Variants in CELSR1 observed in about 807,000 individuals in gnomAD.
CELSR1 encodes cadherin EGF LAG seven-pass G-type receptor 1.
A neutral mutation model predicts 249.1 loss-of-function variants in CELSR1; 110 were observed. The observed-to-expected ratio is 0.44, with a 90% CI of 0.38 to 0.52. The LOEUF is 0.52. Ranked by LOEUF, CELSR1 falls within the 20% of genes least tolerant of loss-of-function variation. The pLI, the probability that CELSR1 is intolerant of heterozygous loss-of-function variation, is 0.00. For missense variants in CELSR1, 4,109 were observed against 4,296.4 expected, an observed-to-expected ratio of 0.96 and a Z score of 1.22; for synonymous variants, 2,113 against 1,900.0, an observed-to-expected ratio of 1.11 and a Z score of -2.92.
intron 1 of CELSR1, among the ~76,000 whole-genome samples, chr22:46,492,082 C>T (rs1237274399): frequency 6.6e-6 from 1 of 152,222 alleles, no homozygotes; most frequent in Admixed American, 6.5e-5. Context: ...CACGAGAAGG[C>T]AACGGTCAGG....
At chr22:46,389,992 C>G (rs2079071944) in intron 17 of CELSR1, among the ~76,000 whole-genome samples, 1 of 152,108 alleles carries the variant, frequency 6.6e-6, no homozygotes, top group Admixed American at 6.5e-5. Flanking sequence ...AAAATGAGCA[C>G]TGCTGACAGC....
At chr22:46,418,769 C>T (rs2079432101) in intron 5 of CELSR1, among the ~76,000 whole-genome samples, 1 of 152,210 alleles carries the variant, frequency 6.6e-6, no homozygotes, top group Non-Finnish European at 1.5e-5. Context: ...AAGGTCAGAA[C>T]CAACCGGTCA....
At position 46,536,247 on chromosome 22, in the gene CELSR1, G is replaced by C; in HGVS notation, c.924C>G (p.Asp308Glu). The change falls in exon 1 of 35, where the codon GAC becomes GAG. Residue 308 changes from aspartate (D) to glutamate (E), a missense_variant. Asp to Glu is a conservative substitution (Grantham distance 45, BLOSUM62 2). Around this residue, in one of 7 missense-constraint regions of CELSR1, gnomAD observed 673 missense variants for 636.8 expected, o/e 1.06. Transcript: ENST00000674500. ...IDSATGAVSTDSVLDRETKET... is the reference protein window; with the variant it reads ...IDSATGAVSTESVLDRETKET... ...CCTTGGTCTCGCGGTCCAGTACGCT[G>C]TCCGTGCTCACGGCGCCCGTGGCAG... is the stretch of plus-strand genomic sequence containing the variant. 1 of 1,612,326 alleles carries C rather than the reference G, an allele frequency of 6.2e-7. No individual in the cohort carries two copies. The highest frequency in any genetic ancestry group is 8.5e-7 in the Non-Finnish European group (1 of 1,179,818).
Position 46,446,620 on chromosome 22 carries a change from GA to G in CELSR1, c.4184-7210del, listed in dbSNP as rs1444228399. ...AGGGTCGCAGGGGGTCGGTGGGGGG[GA>G]AAGCTGGGTCCATAGCAGGTACTGA... On this transcript the variant is annotated intron_variant, in intron 2 of 34. Transcript: ENST00000674500. This position sits in a 1 kb window ranked among gnomAD's most constrained non-coding sequence, Gnocchi z 5.5. Among the ~76,000 whole-genome samples the G allele has an allele frequency of 4.6e-5, 7 of 151,846 alleles. No homozygotes were observed. Among genetic ancestry groups the G allele is most frequent in the Non-Finnish European group, 7.4e-5 (5 of 67,994 alleles).
At chr22:46,386,285 T>G (rs1036047377) in intron 19 of CELSR1, 117 bp downstream of exon 19, 3 of 1,197,358 alleles carry the variant, frequency 2.5e-6, no homozygotes, top group Non-Finnish European at 3.4e-6. Context: ...ATCATTTTTC[T>G]AAGAGCATGG....
rs78023590 is a variant in CELSR1 at position 46,383,197 on chromosome 22, A to G, written c.6884-1147T>C. Among the ~76,000 whole-genome samples the G allele has an allele frequency of 6.6e-5, 10 of 152,068 alleles. No individual in the cohort carries two copies. The East Asian group carries it at 1.2e-3, about 18-fold the overall frequency. On this transcript the variant is annotated intron_variant, in intron 20 of 34. Coordinates refer to ENST00000674500, the MANE Select transcript of CELSR1 (RefSeq NM_001378328.1). Reference sequence around the variant, plus strand: ...CCTCGTCCTCTTAGTTTCAAGCATGACCCCACATCAGAGTCACCCCTCTTT... The same window carrying G: ...CCTCGTCCTCTTAGTTTCAAGCATGGCCCCACATCAGAGTCACCCCTCTTT...
intron 1 of CELSR1, among the ~76,000 whole-genome samples, chr22:46,503,110 G>C (rs2080482358): frequency 6.6e-6 from 1 of 152,168 alleles, no homozygotes; most frequent in Non-Finnish European, 1.5e-5. Context: ...GATGAGGTAA[G>C]TGGCCTCGGA....
Position 46,446,623 on chromosome 22 carries a change from A to G in CELSR1, c.4184-7212T>C, listed in dbSNP as rs2079824444. Among the ~76,000 whole-genome samples the G allele has an allele frequency of 6.6e-6, 1 of 152,056 alleles. No individual in the cohort carries two copies. Among genetic ancestry groups the G allele is most frequent in the African/African-American group, 2.4e-5 (1 of 41,388 alleles). ...GTCGCAGGGGGTCGGTGGGGGGGAAAGCTGGGTCCATAGCAGGTACTGACA... is the reference window on the plus strand; with the variant it reads ...GTCGCAGGGGGTCGGTGGGGGGGAAGGCTGGGTCCATAGCAGGTACTGACA... On this transcript the variant is annotated intron_variant, in intron 2 of 34. Coordinates refer to ENST00000674500, the MANE Select transcript of CELSR1 (RefSeq NM_001378328.1). The surrounding 1 kb of genome is among the most constrained non-coding windows in gnomAD (Gnocchi z 5.5).
chr22:46,385,520 T>G lies in CELSR1; in HGVS notation c.6740-834A>C, dbSNP rs543623917. On this transcript the variant is annotated intron_variant, in intron 19 of 34. Transcript: ENST00000674500. Reference sequence around the variant, plus strand: ...ACCCACCCTTCTAGAGTCTCACACCTGAGGGTTTGGAAGCCCTGCCGGACC... The same window carrying G: ...ACCCACCCTTCTAGAGTCTCACACCGGAGGGTTTGGAAGCCCTGCCGGACC... Among the ~76,000 whole-genome samples, 4 of 152,228 alleles carry G rather than the reference T, an allele frequency of 2.6e-5. No individual in the cohort carries two copies. In the East Asian group the frequency reaches 7.7e-4, roughly 29 times the overall value.
chr22:46,394,385 G>C (rs189345959), intron 13 of CELSR1, 123 bp from the exon 14 acceptor site: 2 of 1,168,434 alleles, frequency 1.7e-6, no homozygotes, highest in African/African-American at 3.1e-5. Context: ...AGCTCTGGGA[G>C]CTTCCCCTTC....
rs150778444 is a variant in CELSR1 at position 46,489,759 on chromosome 22, G to T, written c.3545-25414C>A. Among the ~76,000 whole-genome samples the T allele has an allele frequency of 3.7e-3, 567 of 152,086 alleles. 3 individuals carry two copies. Among genetic ancestry groups the T allele is most frequent in the African/African-American group, 0.013 (525 of 41,480 alleles). On this transcript the variant is annotated intron_variant, in intron 1 of 34. Coordinates refer to ENST00000674500, the MANE Select transcript of CELSR1 (RefSeq NM_001378328.1). ...GAAACCCCATCTCTAGCGGGGCGTGGTGGTGCACATCTGTAATCCCAGCTA... is the reference window on the plus strand; with the variant it reads ...GAAACCCCATCTCTAGCGGGGCGTGTTGGTGCACATCTGTAATCCCAGCTA...
In CELSR1 at chr22:46,374,685, G is replaced by A. The variant is rs1264335195; in HGVS notation, c.7585-1628C>T. On this transcript the variant is annotated intron_variant, in intron 24 of 34. Coordinates refer to ENST00000674500, the MANE Select transcript of CELSR1 (RefSeq NM_001378328.1). This position sits in a 1 kb window ranked among gnomAD's most constrained non-coding sequence, Gnocchi z 4.3. ...TGAGTTGCAGGGAGTGGCCTGCACC[G>A]ACTCCCCTCTCCCCCATTCACGCCA... Among the ~76,000 whole-genome samples the A allele has an allele frequency of 6.6e-6, 1 of 152,120 alleles. No individual in the cohort carries two copies. Among genetic ancestry groups the A allele is most frequent in the Non-Finnish European group, 1.5e-5 (1 of 68,014 alleles).
In CELSR1 at chr22:46,439,378, C is replaced by A. The variant is rs776929405; in HGVS notation, c.4217G>T (p.Arg1406Leu). ...EHCEVDARSGRCANGVCKNGG... is the reference protein window; with the variant it reads ...EHCEVDARSGLCANGVCKNGG... ...GTTCTTGCACACCCCGTTGGCACAGCGGCCTGAGCGGGCATCCACCTCACA... is the reference window on the plus strand; with the variant it reads ...GTTCTTGCACACCCCGTTGGCACAGAGGCCTGAGCGGGCATCCACCTCACA... The change falls in exon 3 of 35, where the codon CGC (arginine) becomes CTC (leucine). Residue 1406 changes from arginine (R) to leucine (L), a missense_variant. This residue lies in a region of CELSR1 where 453 missense variants were observed against 492.0 expected (regional missense o/e 0.92). Coordinates refer to ENST00000674500, the MANE Select transcript of CELSR1 (RefSeq NM_001378328.1). 6.2e-7 allele frequency: 1 copy of A among 1,613,518 alleles called. No homozygotes were observed. Among genetic ancestry groups the A allele is most frequent in the Non-Finnish European group, 8.5e-7 (1 of 1,179,950 alleles).
chr22:46,380,433 T>C lies in CELSR1; in HGVS notation c.7256+355A>G, dbSNP rs1486051176. Among the ~76,000 whole-genome samples, 1 of 152,192 alleles carries C rather than the reference T, an allele frequency of 6.6e-6. No individual in the cohort carries two copies. The highest frequency in any genetic ancestry group is 1.5e-5 in the Non-Finnish European group (1 of 68,028). On this transcript the variant is annotated intron_variant, in intron 22 of 34. Transcript: ENST00000674500. This position sits in a 1 kb window ranked among gnomAD's most constrained non-coding sequence, Gnocchi z 5.1. Reference sequence around the variant, plus strand: ...CCCGTGTGTGACCGGAATGGGCCTGTCTTATCCGGCGGTGAACTGGGCACT... The same window carrying C: ...CCCGTGTGTGACCGGAATGGGCCTGCCTTATCCGGCGGTGAACTGGGCACT...
At chr22:46,368,956 TTCAGCTAACCTCCTCCAGCCCCCTCCCC>T (rs538114017) in intron 27 of CELSR1, among the ~76,000 whole-genome samples, 195 bp downstream of exon 27, 68 of 150,362 alleles carry the variant, frequency 4.5e-4, no homozygotes, top group African/African-American at 1.3e-3. Context: ...GCCCCCTCCC[TTCAGCTAACCTCCTCCAGCCCCCTCCCC>T]TCAGCTAACC....
At chr22:46,388,422 G>A (rs887046114) in intron 18 of CELSR1, among the ~76,000 whole-genome samples, 1 of 152,144 alleles carries the variant, frequency 6.6e-6, no homozygotes, top group Non-Finnish European at 1.5e-5. Context: ...GAGAACAAAC[G>A]CCACTGGCCC....
At position 46,438,444 on chromosome 22, in the gene CELSR1, C is replaced by T. The variant is rs546768673; in HGVS notation, c.4406+745G>A. On this transcript the variant is annotated intron_variant, in intron 3 of 34. Coordinates refer to ENST00000674500, the MANE Select transcript of CELSR1 (RefSeq NM_001378328.1). ...CCACTGCTCCCAAAGTGTCACTGCC[C>T]TGGAAGCTTGGGGAGGCACCTTATG... is the stretch of plus-strand genomic sequence containing the variant. Among the ~76,000 whole-genome samples, 40 of 152,316 alleles carry T rather than the reference C, an allele frequency of 2.6e-4. 1 individual carries two copies. In the South Asian group the frequency reaches 8.3e-3, roughly 32 times the overall value.
At position 46,412,443 on chromosome 22, in the gene CELSR1, A is replaced by G. The variant is rs572780925; in HGVS notation, c.4612-684T>C. Among the ~76,000 whole-genome samples, 553 of 152,198 alleles carry G rather than the reference A, an allele frequency of 3.6e-3. 2 individuals carry two copies. Among genetic ancestry groups the G allele is most frequent in the Non-Finnish European group, 6.4e-3 (437 of 67,998 alleles). On this transcript the variant is annotated intron_variant, in intron 5 of 34. Coordinates refer to ENST00000674500, the MANE Select transcript of CELSR1 (RefSeq NM_001378328.1). This position sits in a 1 kb window ranked among gnomAD's most constrained non-coding sequence, Gnocchi z 4.5. ...CACCTGGCCAGGTTCGTGCTCCTGG[A>G]GTACAGACACCAGGAGGCCACTGCC...
chr22:46,410,866 A>G lies in CELSR1; in HGVS notation c.4770-305T>C, dbSNP rs534458240. Among the ~76,000 whole-genome samples the G allele has an allele frequency of 6.8e-4, 103 of 152,076 alleles. No individual in the cohort carries two copies. Among genetic ancestry groups the G allele is most frequent in the African/African-American group, 2.3e-3 (97 of 41,492 alleles). On this transcript the variant is annotated intron_variant, in intron 6 of 34. Transcript: ENST00000674500. This position sits in a 1 kb window ranked among gnomAD's most constrained non-coding sequence, Gnocchi z 6.8. ...GATGTGAGCGCAGGGAGCACAGGTCAAGGCCAGCAGGGACTATACTTTACC... is the reference window on the plus strand; with the variant it reads ...GATGTGAGCGCAGGGAGCACAGGTCGAGGCCAGCAGGGACTATACTTTACC...
Sources: gnomAD v4.1 joint callset for allele counts (sites outside exome capture counted in the v4.1 genomes callset) on GRCh38, gnomAD v4.1.1 for gene constraint, gnomAD v4.1.1 regional missense constraint, Gnocchi (gnomAD v3.1) non-coding constraint, MANE v1.5 for transcripts, NCBI Gene and HGNC (gene_info 2026-07-23, HGNC 2026-07-21) for gene names.